The following TRAIP variants were observed in gnomAD, a reference collection of about 807,000 sequenced individuals.
The protein encoded by TRAIP is TRAF interacting protein, also known as E3 ubiquitin-protein ligase TRAIP.
TRAIP carries 37 observed loss-of-function variants against 65.0 expected under a neutral mutation model. The observed-to-expected ratio is 0.57, with a 90% CI of 0.44 to 0.75. The LOEUF (loss-of-function observed/expected upper bound fraction) is 0.75, where lower values mean the gene tolerates loss of function less well. TRAIP is among the 30% of genes least tolerant of loss of function. The pLI, the probability that TRAIP is intolerant of heterozygous loss-of-function variation, is 0.00. For missense variants in TRAIP, 481 were observed against 579.4 expected (o/e 0.83, Z 1.74); for synonymous variants, 187 against 219.1 (o/e 0.85, Z 1.29).
intron 1 of TRAIP, among the ~76,000 whole-genome samples, chr3:49,852,066 T>C (rs2081936721): frequency 6.6e-6 from 1 of 150,640 alleles, no homozygotes; most frequent in Admixed American, 6.6e-5. Context: ...CCAGAAGAAA[T>C]GCCCACAAAG....
At chr3:49,830,623 G>T (rs1206407359) in intron 11 of TRAIP, among the ~76,000 whole-genome samples, 2 of 152,200 alleles carry the variant, frequency 1.3e-5, no homozygotes, top group Non-Finnish European at 2.9e-5. Flanking sequence ...GGGCAGAATA[G>T]CGCATGGCCC....
intron 1 of TRAIP, among the ~76,000 whole-genome samples, chr3:49,849,425 ACCATCCTGACTAACATGGTGAAACT>A (rs370057132): frequency 0.11 from 16,695 of 151,982 alleles, 1,253 homozygotes; most frequent in Middle Eastern, 0.19. Flanking sequence ...GGAGATTGAG[ACCATCCTGACTAACATGGTGAAACT>A]CCATCTCTAC....
intron 11 of TRAIP, 131 bp from the exon 12 acceptor site, chr3:49,830,199 C>G: frequency 9.8e-7 from 1 of 1,018,450 alleles, no homozygotes; most frequent in South Asian, 1.4e-5. Context: ...CTGGGCAAGG[C>G]ACCTCAGTGA....
chr3:49,843,337 T>C (rs2081854376), intron 5 of TRAIP: 1 of 156,410 alleles, frequency 6.4e-6, no homozygotes, highest in Non-Finnish European at 1.4e-5. Context: ...CTGCAGACTT[T>C]GATCTGGTTG....
intron 8 of TRAIP, 52 bp downstream of exon 8, chr3:49,840,933 A>G (rs377051121): frequency 4.5e-6 from 7 of 1,552,246 alleles, no homozygotes; most frequent in Non-Finnish European, 5.3e-6. Flanking sequence ...CAGAGTGAAC[A>G]TGACAAAAGG....
chr3:49,838,507 A>G (rs2081807821), intron 10 of TRAIP, among the ~76,000 whole-genome samples: 1 of 152,218 alleles, frequency 6.6e-6, no homozygotes, highest in Non-Finnish European at 1.5e-5. Flanking sequence ...CCAAGAGAAC[A>G]GAGAAGGTCT....
chr3:49,835,865 G>A (rs2081781827), intron 10 of TRAIP, among the ~76,000 whole-genome samples: 1 of 151,384 alleles, frequency 6.6e-6, no homozygotes, highest in South Asian at 2.1e-4. Context: ...CGTGAACCGG[G>A]GAGGCGGAGC....
In TRAIP at chr3:49,829,090, A is replaced by G. The variant is rs766353303; in HGVS notation, c.*13T>C. ...GCAGGCATGTGTCTGGCCATTGGTC[A>G]GACTCACTGTTCTCACGACCACAGG... On this transcript the variant is annotated 3_prime_UTR_variant, in exon 15 of 15. Transcript: ENST00000331456. 1 of 1,614,188 alleles carries G rather than the reference A, an allele frequency of 6.2e-7. No individual in the cohort carries two copies. Among genetic ancestry groups the G allele is most frequent in the Non-Finnish European group, 8.5e-7 (1 of 1,180,024 alleles).
In TRAIP at chr3:49,844,517, A is replaced by AC. The variant is rs775032149; in HGVS notation, c.280+23dup. 1.9e-6 allele frequency: 3 copies of AC among 1,613,058 alleles called. No individual in the cohort carries two copies. In the East Asian group the frequency reaches 6.7e-5, roughly 36 times the overall value. On this transcript the variant is annotated intron_variant, in intron 4 of 14. Coordinates refer to ENST00000331456, the MANE Select transcript of TRAIP (RefSeq NM_005879.3). ...GCATCCAAGTCAGGGGCTTCCCAGC[A>AC]CCCCTCGTCTCTTGCTAACTCACCT...
chr3:49,855,761 C>A (rs1467504232), intron 1 of TRAIP, among the ~76,000 whole-genome samples: 1 of 152,192 alleles, frequency 6.6e-6, no homozygotes, highest in Non-Finnish European at 1.5e-5. Flanking sequence ...CTAGGAGGTC[C>A]AAACCGGCCT....
chr3:49,844,410 G>C (rs770249997), intron 4 of TRAIP, 131 bp downstream of exon 4: 3 of 964,282 alleles, frequency 3.1e-6, no homozygotes, highest in African/African-American at 1.6e-5. Flanking sequence ...CAGCTAGCAG[G>C]ACTCTTGGAC....
intron 10 of TRAIP, among the ~76,000 whole-genome samples, chr3:49,836,206 G>A (rs954697719): frequency 1.3e-5 from 2 of 151,854 alleles, no homozygotes; most frequent in African/African-American, 4.8e-5. Flanking sequence ...AAGAAATGGT[G>A]GTGGCTGGGT....
intron 10 of TRAIP, among the ~76,000 whole-genome samples, chr3:49,838,928 C>T (rs1399085385): frequency 2.0e-5 from 3 of 151,344 alleles, no homozygotes; most frequent in African/African-American, 7.3e-5. Context: ...CAGTGGCTCA[C>T]GCCTGTAATC....
intron 8 of TRAIP, 100 bp from the exon 9 acceptor site, chr3:49,840,473 A>G (rs2081829201): frequency 3.1e-6 from 3 of 964,648 alleles, no homozygotes; most frequent in Admixed American, 3.8e-5. Context: ...AGCCCAGAAG[A>G]GACTAGAGAT....
At chr3:49,852,754 C>CAA (rs139661001) in intron 1 of TRAIP, among the ~76,000 whole-genome samples, 25 of 138,336 alleles carry the variant, frequency 1.8e-4, no homozygotes, top group African/African-American at 6.8e-4. Context: ...GACTCCGTCT[C>CAA]AAAAAAAAAA....
intron 11 of TRAIP, 78 bp downstream of exon 11, chr3:49,831,838 C>T: frequency 7.1e-7 from 1 of 1,404,728 alleles, no homozygotes; most frequent in Non-Finnish European, 9.3e-7. Context: ...CCACTCAGAG[C>T]TAACAGCACA....
Position 49,844,452 on chromosome 3 carries a change from A to T in TRAIP, c.280+89T>A, listed in dbSNP as rs953081289. On this transcript the variant is annotated intron_variant, in intron 4 of 14. Transcript: ENST00000331456. ...AGCAGGGAAAGGCCCTGGCTCTCCC[A>T]AACGGTTTGAAACCTTCCTCCTAGG... 91 of 1,469,498 alleles carry T rather than the reference A, an allele frequency of 6.2e-5. No homozygotes were observed. In the South Asian group the frequency reaches 9.1e-4, roughly 15 times the overall value. The allele number at this position is 1,469,498 out of a possible 1,614,324, so 91.0% of individuals were successfully genotyped here.
chr3:49,842,934 G>C (rs995038505), intron 5 of TRAIP, among the ~76,000 whole-genome samples: 3 of 152,178 alleles, frequency 2.0e-5, no homozygotes, highest in Admixed American at 6.5e-5. Context: ...CCAACACCCA[G>C]ACCCATGGAC....
chr3:49,842,584 G>A (rs2081848925), intron 5 of TRAIP, 37 bp from the exon 6 acceptor site: 2 of 1,576,310 alleles, frequency 1.3e-6, no homozygotes, highest in African/African-American at 2.7e-5. Flanking sequence ...ATGCTTGGAG[G>A]CCCTCAGGAG....
Sources: gnomAD v4.1 joint callset for allele counts (sites outside exome capture counted in the v4.1 genomes callset) on GRCh38, gnomAD v4.1.1 for gene constraint, MANE v1.5 for transcripts, NCBI Gene and HGNC (gene_info 2026-07-23, HGNC 2026-07-21) for gene names.